PCDHA8: variants seen among roughly 807,000 people sequenced by gnomAD.
The protein encoded by PCDHA8 is protocadherin alpha-8.
Under a neutral mutation model 61.8 loss-of-function variants are expected in PCDHA8, and 53 were observed. The observed-to-expected ratio is 0.86, with a 90% CI of 0.69 to 1.08. PCDHA8 has a LOEUF of 1.08. PCDHA8 is among the 50% of genes least tolerant of loss of function. The pLI is 0.00. For synonymous variants in PCDHA8, 618 were observed against 556.6 expected (o/e 1.11, Z -1.55); for missense variants, 1,293 against 1,245.0 (o/e 1.04, Z -0.58).
At chr5:140,843,844 AC>A in intron 1 of PCDHA8, 129 bp downstream of exon 1, 1 of 1,001,290 alleles carries the variant, frequency 1.0e-6, no homozygotes, top group Non-Finnish European at 1.5e-6. Flanking sequence ...GTTTTTAGAA[AC>A]CTTTTATAAT....
In PCDHA8 at chr5:140,972,962, A is replaced by G. The variant is rs550755148; in HGVS notation, c.2395-5987A>G. Among the ~76,000 whole-genome samples the G allele has an allele frequency of 1.5e-3, 231 of 152,144 alleles. 1 individual carries two copies. The highest frequency in any genetic ancestry group is 2.9e-3 in the Non-Finnish European group (194 of 67,976). ...CAGATGTGAGCCACCATGCCCGGCA[A>G]AGGAAACCAAATCTTAAGGTAGATT... On this transcript the variant is annotated intron_variant, in intron 1 of 3. Transcript: ENST00000531613.
At chr5:140,873,615 A>C (rs1487252868) in intron 1 of PCDHA8, among the ~76,000 whole-genome samples, 3 of 152,280 alleles carry the variant, frequency 2.0e-5, no homozygotes, top group African/African-American at 7.2e-5. Context: ...TTGGCTTAAC[A>C]ATTTGTTTAG....
At chr5:141,002,133 C>T (rs1172462824) in intron 3 of PCDHA8, among the ~76,000 whole-genome samples, 2 of 152,248 alleles carry the variant, frequency 1.3e-5, no homozygotes, top group African/African-American at 4.8e-5. Context: ...ATAGCCTTTG[C>T]CGGCTGCACT....
intron 1 of PCDHA8, chr5:140,870,001 G>C (rs782788057): frequency 1.2e-6 from 2 of 1,613,448 alleles, no homozygotes; most frequent in African/African-American, 1.3e-5. Context: ...AAATAATGGA[G>C]AAGTGAGGGT....
chr5:140,999,011 A>G (rs2097843002), intron 3 of PCDHA8, among the ~76,000 whole-genome samples: 1 of 152,246 alleles, frequency 6.6e-6, no homozygotes, highest in Non-Finnish European at 1.5e-5. Flanking sequence ...CTGAGATTTG[A>G]ACCCAAGACT....
In PCDHA8 at chr5:140,876,482, T is replaced by G. The variant is rs372044061; in HGVS notation, c.2394+32767T>G. The G allele has an allele frequency of 1.8e-4, 291 of 1,613,904 alleles. No individual in the cohort carries two copies. The highest frequency in any genetic ancestry group is 2.4e-4 in the Non-Finnish European group (285 of 1,179,894). On this transcript the variant is annotated intron_variant, in intron 1 of 3. Transcript: ENST00000531613. The stretch of plus-strand genomic sequence containing the variant: ...TCCATGGCAGGTCACAGCATGGTCC[T>G]GGTGGAAGTTCTGGACGTGAATGAC...
chr5:140,868,183 T>A (rs1286748964), intron 1 of PCDHA8: 2 of 152,160 alleles, frequency 1.3e-5, no homozygotes, highest in African/African-American at 4.8e-5. Flanking sequence ...TCTCATATTA[T>A]GCTACTATGG....
At chr5:140,884,046 A>G (rs781965939) in intron 1 of PCDHA8, 6 of 1,613,474 alleles carry the variant, frequency 3.7e-6, no homozygotes, top group Non-Finnish European at 5.1e-6. Flanking sequence ...GTGGTGGCGA[A>G]GGTGCGCGCG....
intron 1 of PCDHA8, chr5:140,858,561 C>A: frequency 7.3e-7 from 1 of 1,370,342 alleles, no homozygotes; most frequent in South Asian, 1.3e-5. Context: ...TTGAATATTT[C>A]TAGTGATACC....
intron 1 of PCDHA8, among the ~76,000 whole-genome samples, chr5:140,914,601 T>G (rs190275610): frequency 1.8e-4 from 27 of 152,294 alleles, no homozygotes; most frequent in Non-Finnish European, 3.7e-4. Context: ...AGGAACTTCC[T>G]CCTGCCATTT....
At chr5:140,952,389 ACT>A (rs2094739055) in intron 1 of PCDHA8, among the ~76,000 whole-genome samples, 2 of 151,722 alleles carry the variant, frequency 1.3e-5, no homozygotes, top group African/African-American at 4.8e-5. Flanking sequence ...GGTACCCTAA[ACT>A]CATCATTCTC....
chr5:140,970,222 C>T (rs1270140969), intron 1 of PCDHA8, among the ~76,000 whole-genome samples: 2 of 152,134 alleles, frequency 1.3e-5, no homozygotes, highest in Non-Finnish European at 2.9e-5. Context: ...TAAATGCAGC[C>T]TGTAATCTTC....
At chr5:140,850,396 C>T (rs2150482265) in intron 1 of PCDHA8, 1 of 1,597,978 alleles carries the variant, frequency 6.3e-7, no homozygotes, top group Non-Finnish European at 8.6e-7. Flanking sequence ...ATCAGCACAA[C>T]GCGTGCCCTG....
At chr5:140,853,269 C>G (rs1458321470) in intron 1 of PCDHA8, 2 of 975,966 alleles carry the variant, frequency 2.0e-6, no homozygotes, top group African/African-American at 1.8e-5. Flanking sequence ...AGAGTACAAG[C>G]TCTCATCATA....
chr5:140,941,214 C>CCTTCCTTTCTTTCTTT (rs1554214040), intron 1 of PCDHA8, among the ~76,000 whole-genome samples: 12 of 122,414 alleles, frequency 9.8e-5, no homozygotes, highest in Admixed American at 6.8e-4. Flanking sequence ...TTTCTTTCTT[C>CCTTCCTTTCTTTCTTT]CTTTCTTTCT....
intron 1 of PCDHA8, among the ~76,000 whole-genome samples, chr5:140,844,982 A>T (rs2150375491): frequency 6.7e-6 from 1 of 149,170 alleles, no homozygotes; most frequent in East Asian, 1.9e-4. Context: ...TATTGTTTTA[A>T]ATCTTTTAAT....
chr5:140,908,998 C>G (rs2074255436), intron 1 of PCDHA8, among the ~76,000 whole-genome samples: 1 of 152,156 alleles, frequency 6.6e-6, no homozygotes, highest in South Asian at 2.1e-4. Flanking sequence ...AGAAATTTTA[C>G]TGAGGTAGAA....
At chr5:140,869,650 C>G in intron 1 of PCDHA8, 1 of 1,613,504 alleles carries the variant, frequency 6.2e-7, no homozygotes, top group Non-Finnish European at 8.5e-7. Context: ...TTTAGATTCA[C>G]CAACAAATGG....
chr5:140,882,451 G>C, intron 1 of PCDHA8: 1 of 1,614,040 alleles, frequency 6.2e-7, no homozygotes. Flanking sequence ...AGCTGGTGCC[G>C]CGCCTGTTCC....
Sources: gnomAD v4.1 joint callset for allele counts (sites outside exome capture counted in the v4.1 genomes callset) on GRCh38, gnomAD v4.1.1 for gene constraint, MANE v1.5 for transcripts, NCBI Gene and HGNC (gene_info 2026-07-23, HGNC 2026-07-21) for gene names.